RPRD1B: variants seen among roughly 807,000 people sequenced by gnomAD.
RPRD1B encodes the protein regulation of nuclear pre-mRNA domain-containing protein 1B.
In RPRD1B, 11 loss-of-function variants were observed where a neutral mutation model predicts 41.5. The ratio of observed to expected loss-of-function variants is 0.27; its 90% confidence interval spans 0.17 to 0.44. RPRD1B has a LOEUF of 0.44. Among genes scored for constraint, RPRD1B ranks in the 20% least tolerant of loss-of-function variants. The pLI is 1.00. For missense variants in RPRD1B, 248 were observed against 389.9 expected (o/e 0.64, Z 3.06); for synonymous variants, 158 against 155.6 (o/e 1.02, Z -0.12).
intron 6 of RPRD1B, among the ~76,000 whole-genome samples, chr20:38,068,195 C>T (rs1043691029): frequency 4.6e-5 from 7 of 152,168 alleles, no homozygotes; most frequent in African/African-American, 9.7e-5. Flanking sequence ...TTGCTCTGCG[C>T]GGTTCATTCA....
At chr20:38,041,784 C>G (rs2074068663) in intron 2 of RPRD1B, among the ~76,000 whole-genome samples, 1 of 152,172 alleles carries the variant, frequency 6.6e-6, no homozygotes, top group Non-Finnish European at 1.5e-5. Flanking sequence ...GGATACCACT[C>G]CCCCTCATAA....
intron 3 of RPRD1B, among the ~76,000 whole-genome samples, chr20:38,049,145 C>T (rs1176921272): frequency 6.6e-6 from 1 of 151,898 alleles, no homozygotes; most frequent in African/African-American, 2.4e-5. Context: ...GACGGGGTTT[C>T]ACCATGTTTG....
chr20:38,047,132 A>G (rs2074128714), intron 2 of RPRD1B, among the ~76,000 whole-genome samples: 1 of 152,202 alleles, frequency 6.6e-6, no homozygotes, highest in Non-Finnish European at 1.5e-5. Flanking sequence ...CACAAATACC[A>G]AGTAATTGGG....
intron 4 of RPRD1B, 47 bp from the exon 5 acceptor site, chr20:38,059,347 A>G (rs200379460): frequency 9.2e-5 from 141 of 1,533,840 alleles, no homozygotes; most frequent in Middle Eastern, 8.7e-4. Flanking sequence ...ATTTTCTTTA[A>G]ACCCCATGTC....
At position 38,090,121 on chromosome 20, in the gene RPRD1B, A is replaced by C. The variant is rs192902057; in HGVS notation, c.*246A>C. 2 of 1,209,530 alleles carry C rather than the reference A, an allele frequency of 1.7e-6. No individual in the cohort carries two copies. Among genetic ancestry groups the C allele is most frequent in the East Asian group, 3.5e-5 (1 of 28,370 alleles). 74.9% of individuals were successfully genotyped at this position (1,209,530 alleles called of 1,614,324 possible). ...GACTACAGACTTTTTCTCCCACTTC[A>C]TATTTTCATGCCCCCCTGTTGGTTT... On this transcript the variant is annotated 3_prime_UTR_variant, in exon 7 of 7. Coordinates refer to ENST00000373433, the MANE Select transcript of RPRD1B (RefSeq NM_021215.4).
At chr20:38,089,079 G>A (rs906149688) in intron 6 of RPRD1B, among the ~76,000 whole-genome samples, 9 of 152,142 alleles carry the variant, frequency 5.9e-5, no homozygotes, top group Admixed American at 3.3e-4. Flanking sequence ...GTGGGGTGCC[G>A]TGCCTCACTT....
At position 38,089,935 on chromosome 20, in the gene RPRD1B, G is replaced by A. The variant is rs1421514683; in HGVS notation, c.*60G>A. ...AGCAGAAAGAAGAGGGCAAGTCATG[G>A]TTGGAAATAACCTTCTAGCCCCTGG... On this transcript the variant is annotated 3_prime_UTR_variant, in exon 7 of 7. Coordinates refer to ENST00000373433, the MANE Select transcript of RPRD1B (RefSeq NM_021215.4). 3.2e-6 allele frequency: 5 copies of A among 1,585,330 alleles called. No homozygotes were observed. Among genetic ancestry groups the A allele is most frequent in the African/African-American group, 2.7e-5 (2 of 73,530 alleles).
Position 38,091,593 on chromosome 20 carries a change from T to G in RPRD1B, c.*1718T>G, listed in dbSNP as rs1353667032. On this transcript the variant is annotated 3_prime_UTR_variant, in exon 7 of 7. Coordinates refer to ENST00000373433, the MANE Select transcript of RPRD1B (RefSeq NM_021215.4). Reference sequence around the variant, plus strand: ...AGGTGACATCACTAAAATTGCAAGATAAATTGTAATCTTTGCTGCTGCTGC... The same window carrying G: ...AGGTGACATCACTAAAATTGCAAGAGAAATTGTAATCTTTGCTGCTGCTGC... The G allele has an allele frequency of 2.0e-6, 2 of 985,378 alleles. No homozygotes were observed. Among genetic ancestry groups the G allele is most frequent in the Non-Finnish European group, 1.2e-6 (1 of 830,018 alleles). The allele number at this position is 985,378 out of a possible 1,614,324, so 61.0% of individuals were successfully genotyped here. A position where few individuals can be genotyped will look rare whatever the true frequency, so the allele number is the denominator to read the frequency against.
chr20:38,068,131 A>G (rs2122740748), intron 6 of RPRD1B, among the ~76,000 whole-genome samples: 2 of 152,326 alleles, frequency 1.3e-5, no homozygotes, highest in South Asian at 4.1e-4. Flanking sequence ...GAGGGCATTA[A>G]GGTGGAGAAA....
Position 38,033,816 on chromosome 20 carries a change from G to T in RPRD1B, c.-132G>T, listed in dbSNP as rs1453319497. On this transcript the variant is annotated 5_prime_UTR_variant, in exon 1 of 7. Coordinates refer to ENST00000373433, the MANE Select transcript of RPRD1B (RefSeq NM_021215.4). ...GGAGACCCATCCCCTCCCCCTTCTCGCACCCCTGGCAGTCTGTCAGTCGGT... is the reference window on the plus strand; with the variant it reads ...GGAGACCCATCCCCTCCCCCTTCTCTCACCCCTGGCAGTCTGTCAGTCGGT... 3.4e-6 allele frequency: 3 copies of T among 893,136 alleles called. No homozygotes were observed. The African/African-American group carries it at 5.1e-5, about 15-fold the overall frequency. The allele number at this position is 893,136 out of a possible 1,614,324, so 55.3% of individuals were successfully genotyped here.
At chr20:38,066,442 A>G (rs2074356970) in intron 6 of RPRD1B, among the ~76,000 whole-genome samples, 186 bp downstream of exon 6, 1 of 152,222 alleles carries the variant, frequency 6.6e-6, no homozygotes, top group African/African-American at 2.4e-5. Flanking sequence ...ATGTTCTTAT[A>G]TGTCCAGGAC....
At chr20:38,080,889 C>T (rs2074506503) in intron 6 of RPRD1B, among the ~76,000 whole-genome samples, 1 of 152,124 alleles carries the variant, frequency 6.6e-6, no homozygotes, top group African/African-American at 2.4e-5. Context: ...GTTTTTGTAC[C>T]ATTTCCATGC....
intron 1 of RPRD1B, among the ~76,000 whole-genome samples, chr20:38,038,494 T>G (rs2074028220): frequency 8.0e-6 from 1 of 124,826 alleles, no homozygotes. Context: ...TGTTTTGTTT[T>G]TTTTTTTTTT....
At chr20:38,061,009 A>G (rs1416924605) in intron 5 of RPRD1B, among the ~76,000 whole-genome samples, 2 of 152,248 alleles carry the variant, frequency 1.3e-5, no homozygotes, top group Non-Finnish European at 2.9e-5. Context: ...ATAATCTGCA[A>G]AAATTGCAAG....
intron 1 of RPRD1B, among the ~76,000 whole-genome samples, chr20:38,036,892 C>G (rs2074008921): frequency 6.6e-6 from 1 of 152,090 alleles, no homozygotes; most frequent in South Asian, 2.1e-4. Flanking sequence ...TTCCAATAGC[C>G]ACACGTGGCT....
chr20:38,063,550 T>C (rs1158046954), intron 5 of RPRD1B, among the ~76,000 whole-genome samples: 1 of 152,162 alleles, frequency 6.6e-6, no homozygotes, highest in Non-Finnish European at 1.5e-5. Flanking sequence ...AGAGTTTAGC[T>C]GCAAGGGGGA....
intron 1 of RPRD1B, among the ~76,000 whole-genome samples, chr20:38,037,048 T>C (rs1310893750): frequency 2.0e-5 from 3 of 152,238 alleles, no homozygotes; most frequent in Non-Finnish European, 4.4e-5. Context: ...AATGTTCAGA[T>C]TGATTAGCCC....
At chr20:38,035,735 C>T (rs1488263324) in intron 1 of RPRD1B, among the ~76,000 whole-genome samples, 1 of 151,448 alleles carries the variant, frequency 6.6e-6, no homozygotes, top group Non-Finnish European at 1.5e-5. Flanking sequence ...CCTCAAGAGG[C>T]AGTTAAAGTC....
intron 5 of RPRD1B, among the ~76,000 whole-genome samples, chr20:38,065,635 T>C (rs1250827749): frequency 6.6e-6 from 1 of 152,176 alleles, no homozygotes; most frequent in Non-Finnish European, 1.5e-5. Flanking sequence ...GTTTGTGGGG[T>C]TTTTTGGTCT....
Sources: allele counts gnomAD v4.1 joint callset (sites outside exome capture counted in the v4.1 genomes callset), GRCh38; gene constraint gnomAD v4.1.1; transcripts MANE v1.5; gene names NCBI Gene and HGNC (gene_info 2026-07-23, HGNC 2026-07-21).